Variants in QNG1 observed in about 807,000 individuals in gnomAD.
The protein encoded by QNG1 is queuosine 5'-phosphate N-glycosylase/hydrolase.
At chr9:83,956,166 T>C in the QNG1 span, 30 of 1,609,072 alleles carry the variant, frequency 1.9e-5, no homozygotes, top group Non-Finnish European at 2.4e-5. Context: ...GCACCAACCT[T>C]CGTCGAGGGC....
At chr9:83,941,377 A>G in the QNG1 span, among the ~76,000 whole-genome samples, 1 of 152,172 alleles carries the variant, frequency 6.6e-6, no homozygotes, top group African/African-American at 2.4e-5. Context: ...GATTAGGATC[A>G]ACCTTAAATC....
the QNG1 span, among the ~76,000 whole-genome samples, chr9:83,949,964 T>G: frequency 6.7e-6 from 1 of 150,118 alleles, no homozygotes; most frequent in African/African-American, 2.4e-5. Flanking sequence ...ATAATAGATA[T>G]AATAATATAT....
At chr9:83,943,088 TC>T in the QNG1 span, among the ~76,000 whole-genome samples, 19 of 152,094 alleles carry the variant, frequency 1.2e-4, no homozygotes, top group African/African-American at 4.6e-4. Flanking sequence ...ACGCCTGTAA[TC>T]CCAGCACTTT....
the QNG1 span, among the ~76,000 whole-genome samples, chr9:83,951,715 A>C: frequency 3.3e-5 from 5 of 152,212 alleles, no homozygotes; most frequent in African/African-American, 1.2e-4. Context: ...AAGTTACTGC[A>C]TTACTCTAAA....
the QNG1 span, chr9:83,944,862 A>T: frequency 6.2e-7 from 1 of 1,614,052 alleles, no homozygotes; most frequent in Middle Eastern, 1.6e-4. Flanking sequence ...AACCTGAGGT[A>T]ATCTATAATC....
the QNG1 span, among the ~76,000 whole-genome samples, chr9:83,949,736 A>G: frequency 6.6e-6 from 1 of 151,992 alleles, no homozygotes; most frequent in Admixed American, 6.6e-5. Context: ...TTACTACACC[A>G]TCAAGTTTAT....
the QNG1 span, among the ~76,000 whole-genome samples, chr9:83,948,161 C>G: frequency 6.6e-6 from 1 of 150,626 alleles, no homozygotes; most frequent in African/African-American, 2.4e-5. Context: ...TCTGTCCGGC[C>G]GCGACCCCGT....
the QNG1 span, chr9:83,938,778 C>T: frequency 2.0e-5 from 3 of 151,148 alleles, no homozygotes; most frequent in Non-Finnish European, 4.4e-5. Flanking sequence ...AGGTCTCCAT[C>T]TGTTGCCCAG....
the QNG1 span, chr9:83,955,446 C>A: frequency 6.2e-7 from 1 of 1,614,168 alleles, no homozygotes; most frequent in Non-Finnish European, 8.5e-7. Flanking sequence ...AACTTCTGCG[C>A]ACTATTCTCA....
At chr9:83,946,620 C>T in the QNG1 span, among the ~76,000 whole-genome samples, 1 of 152,280 alleles carries the variant, frequency 6.6e-6, no homozygotes, top group East Asian at 1.9e-4. Flanking sequence ...AGTGTGGTGG[C>T]TTACACTTGT....
chr9:83,948,072 G>C, the QNG1 span, among the ~76,000 whole-genome samples: 10 of 151,260 alleles, frequency 6.6e-5, no homozygotes, highest in African/African-American at 2.4e-4. Context: ...AGTGAGGAGC[G>C]TCTCTGCCCG....
chr9:83,944,915 T>C, the QNG1 span: 1 of 1,614,130 alleles, frequency 6.2e-7, no homozygotes, highest in Non-Finnish European at 8.5e-7. Context: ...AGCAGCCATC[T>C]CCTTTTCCTT....
the QNG1 span, among the ~76,000 whole-genome samples, chr9:83,949,024 C>T: frequency 7.9e-6 from 1 of 126,742 alleles, no homozygotes; most frequent in Non-Finnish European, 1.6e-5. Flanking sequence ...TGCTGACCTT[C>T]CCTCCACTAT....
At chr9:83,955,003 G>A in the QNG1 span, among the ~76,000 whole-genome samples, 2 of 151,214 alleles carry the variant, frequency 1.3e-5, no homozygotes, top group African/African-American at 4.9e-5. Flanking sequence ...TTTGAGACCA[G>A]CCTGGCCAAC....
At chr9:83,952,929 C>T in the QNG1 span, among the ~76,000 whole-genome samples, 10 of 148,030 alleles carry the variant, frequency 6.8e-5, no homozygotes, top group Non-Finnish European at 1.5e-4. Context: ...CACCGCACTA[C>T]AGCCTGGGTG....
At chr9:83,956,280 A>C in the QNG1 span, 1 of 1,614,158 alleles carries the variant, frequency 6.2e-7, no homozygotes, top group Non-Finnish European at 8.5e-7. Flanking sequence ...GGAGAAGTTG[A>C]GCGTGTCTGT....
the QNG1 span, chr9:83,939,673 C>G: frequency 1.9e-6 from 3 of 1,614,080 alleles, no homozygotes; most frequent in Non-Finnish European, 2.5e-6. Flanking sequence ...AATCCCGGAT[C>G]AGCTCAACAC....
chr9:83,946,737 C>T, the QNG1 span, among the ~76,000 whole-genome samples: 2 of 152,040 alleles, frequency 1.3e-5, no homozygotes, highest in Non-Finnish European at 2.9e-5. Flanking sequence ...ACGGCGAAAC[C>T]CTGTCTCTAC....
chr9:83,956,750 C>T, the QNG1 span: 17 of 403,598 alleles, frequency 4.2e-5, no homozygotes, highest in Non-Finnish European at 7.5e-5. Context: ...TCCGGGAAAG[C>T]GGTCCCGTTC....
Sources: gnomAD v4.1 joint callset for allele counts (sites outside exome capture counted in the v4.1 genomes callset) on GRCh38, gnomAD v4.1.1 for gene constraint, MANE v1.5 for transcripts, NCBI Gene and HGNC (gene_info 2026-07-23, HGNC 2026-07-21) for gene names.